Variants in BOP1 observed in about 807,000 individuals in gnomAD.
The protein encoded by BOP1 is BOP1 ribosomal biogenesis factor, also known as ribosome biogenesis protein BOP1.
BOP1 carries 54 observed loss-of-function variants against 82.9 expected under a neutral mutation model. The ratio of observed to expected loss-of-function variants is 0.65; its 90% CI spans 0.52 to 0.82. The LOEUF is 0.82. Among genes scored for constraint, BOP1 ranks in the 40% least tolerant of loss-of-function variants. BOP1 has a pLI of 0.00. For synonymous variants in BOP1, 566 were observed against 451.1 expected, an observed-to-expected ratio of 1.25 and a Z score of -3.23; for missense variants, 1,170 against 1,072.0, an observed-to-expected ratio of 1.09 and a Z score of -1.28.
chr8:144,263,430 A>G, intron 11 of BOP1, 29 bp from the exon 12 acceptor site: 2 of 1,597,800 alleles, frequency 1.3e-6, no homozygotes, highest in African/African-American at 1.3e-5. Context: ...CACGGCCCCT[A>G]AGCACAGTGC....
chr8:144,262,679 C>A lies in BOP1; in HGVS notation c.1895-7G>T, dbSNP rs1345387665. ...CCACAGATGACGTTGTCACCTAGGG[C>A]CAAAGGCTGTGATGCAGGTGTTCCC... On this transcript the variant is annotated splice_polypyrimidine_tract_variant and splice_region_variant and intron_variant, in intron 13 of 15. Coordinates refer to ENST00000569669, the MANE Select transcript of BOP1 (RefSeq NM_015201.5). 3.8e-5 allele frequency: 61 copies of A among 1,613,082 alleles called. No homozygotes were observed. Among genetic ancestry groups the A allele is most frequent in the Non-Finnish European group, 4.9e-5 (58 of 1,179,798 alleles).
Position 144,277,889 on chromosome 8 carries a change from G to A in BOP1, c.310-1585C>T, listed in dbSNP as rs1232258316. Among the ~76,000 whole-genome samples, 12 of 88,626 alleles carry A rather than the reference G, an allele frequency of 1.4e-4. No individual in the cohort carries two copies. The South Asian group carries it at 2.6e-3, about 19-fold the overall frequency. The allele number at this position is 88,626 out of a possible 152,430, so 58.1% of individuals were successfully genotyped here. On this transcript the variant is annotated intron_variant, in intron 2 of 15. Transcript: ENST00000569669. ...CCTTCAGATTTTGGAGGCAGATGCT[G>A]TGGGGCATTGAACGTATTTTTTTTA...
At position 144,264,293 on chromosome 8, in the gene BOP1, T is replaced by G. The variant is rs1399586437; in HGVS notation, c.910A>C (p.Lys304Gln). Residue 304 changes from lysine (K) to glutamine (Q), a missense_variant, in exon 7 of 16, where the codon AAG becomes CAG. Coordinates refer to ENST00000569669, the MANE Select transcript of BOP1 (RefSeq NM_015201.5). ...TCGGCGTGGCCTGGCAGGGCCAGCT[T>G]GGGAGCAGGTACGTGCATCTTGTGG... is the stretch of plus-strand genomic sequence containing the variant. Reference protein sequence around the residue: ...GRHKMHVPAPKLALPGHAESY... With the variant: ...GRHKMHVPAPQLALPGHAESY... 1.9e-6 allele frequency: 3 copies of G among 1,610,882 alleles called. No homozygotes were observed. The highest frequency in any genetic ancestry group is 2.7e-5 in the African/African-American group (2 of 74,808).
rs1845315837 is a variant in BOP1, at chr8:144,264,678, A to AC, written c.663+35dup. 3.5e-5 allele frequency: 55 copies of AC among 1,562,344 alleles called. 2 individuals are homozygous for AC. The South Asian group carries it at 5.8e-4, about 16-fold the overall frequency. On this transcript the variant is annotated intron_variant, in intron 5 of 15. Coordinates refer to ENST00000569669, the MANE Select transcript of BOP1 (RefSeq NM_015201.5). ...CTGAGGCCCTGCTGGTGCCTCCAGG[A>AC]CCCCCGCCGCCCAGGGGCCAGCCCC...
intron 3 of BOP1, among the ~76,000 whole-genome samples, chr8:144,273,948 G>C (rs949052119): frequency 6.6e-5 from 10 of 152,232 alleles, no homozygotes; most frequent in Non-Finnish European, 1.3e-4. Context: ...GTGAGGGGCT[G>C]CTCAGGTCTT....
At chr8:144,285,539 G>A (rs1452223314) in intron 2 of BOP1, among the ~76,000 whole-genome samples, 2 of 152,214 alleles carry the variant, frequency 1.3e-5, no homozygotes, top group Non-Finnish European at 2.9e-5. Context: ...GTAACCCACC[G>A]AGGCCCATGA....
chr8:144,291,216 C>A lies in BOP1; in HGVS notation c.99+56G>T. 1 of 1,349,384 alleles carries A rather than the reference C, an allele frequency of 7.4e-7. No homozygotes were observed. The highest frequency in any genetic ancestry group is 1.6e-5 in the South Asian group (1 of 62,106). 83.6% of individuals were successfully genotyped at this position (1,349,384 alleles called of 1,614,324 possible). A position where few individuals can be genotyped will look rare whatever the true frequency, so the allele number is the denominator to read the frequency against. ...GGGCCCACCCGCCCCAGCGCGGCCA[C>A]GTGCCCGCCGGGCCCTCTAGGGACG... On this transcript the variant is annotated intron_variant, in intron 1 of 15. Coordinates refer to ENST00000569669, the MANE Select transcript of BOP1 (RefSeq NM_015201.5). This position sits in a 1 kb window ranked among gnomAD's most constrained non-coding sequence, Gnocchi z 4.1.
At chr8:144,267,056 CCTT>C in intron 3 of BOP1, 4 of 1,481,876 alleles carry the variant, frequency 2.7e-6, no homozygotes, top group Non-Finnish European at 2.7e-6. Flanking sequence ...TCCGGGCCCG[CCTT>C]CTTCCACGCG....
At chr8:144,286,051 A>G (rs1230904607) in intron 2 of BOP1, among the ~76,000 whole-genome samples, 8 of 152,224 alleles carry the variant, frequency 5.3e-5, no homozygotes, top group Admixed American at 3.3e-4. Context: ...AGGGCTGCAC[A>G]ATGGGAAAGG....
intron 2 of BOP1, among the ~76,000 whole-genome samples, chr8:144,284,788 G>C (rs1278274587): frequency 6.6e-6 from 1 of 152,216 alleles, no homozygotes; most frequent in Non-Finnish European, 1.5e-5. Flanking sequence ...CCTTAGAAAG[G>C]AGGCAGGGTC....
At position 144,263,223 on chromosome 8, in the gene BOP1, TC is replaced by T; in HGVS notation, c.1602del (p.Lys535SerfsTer3). On this transcript the variant is annotated frameshift_variant, in exon 12 of 16. Transcript: ENST00000569669. LOFTEE classifies it high-confidence loss of function. ...QVGLRLRICH[G>X]KPVTQVTWHG... is the part of the protein sequence containing the mutation. Reference sequence around the variant, plus strand: ...CACCCCCAAGGCGCCCCACGTACCTTCCCGTGGCAGATGCGCAGCCGCAGGC... The same window carrying T: ...CACCCCCAAGGCGCCCCACGTACCTTCCGTGGCAGATGCGCAGCCGCAGGC... 6.3e-7 allele frequency: 1 copy of T among 1,594,680 alleles called. No homozygotes were observed. Among genetic ancestry groups the T allele is most frequent in the Non-Finnish European group, 8.5e-7 (1 of 1,179,120 alleles).
intron 2 of BOP1, among the ~76,000 whole-genome samples, chr8:144,276,992 C>T (rs940276635): frequency 1.1e-4 from 16 of 152,334 alleles, no homozygotes; most frequent in Admixed American, 6.5e-5. Flanking sequence ...AATTCACATC[C>T]CAACCTGGAA....
chr8:144,274,227 G>A (rs1235051066), intron 3 of BOP1, among the ~76,000 whole-genome samples: 3 of 152,152 alleles, frequency 2.0e-5, no homozygotes, highest in East Asian at 1.9e-4. Flanking sequence ...GCTACCAGGG[G>A]CCCTCTCCAC....
chr8:144,279,340 G>A (rs886511288), intron 2 of BOP1, among the ~76,000 whole-genome samples: 1 of 147,340 alleles, frequency 6.8e-6, no homozygotes, highest in Non-Finnish European at 1.5e-5. Flanking sequence ...CAACCACCAT[G>A]GGCCACGACC....
chr8:144,263,161 G>C lies in BOP1; in HGVS notation c.1606-20C>G, dbSNP rs1176310140. 7 of 1,592,472 alleles carry C rather than the reference G, an allele frequency of 4.4e-6. No homozygotes were observed. Among genetic ancestry groups the C allele is most frequent in the Non-Finnish European group, 5.9e-6 (7 of 1,178,440 alleles). The stretch of plus-strand genomic sequence containing the variant: ...CACTGGCTGCAGGAGAGCAAGGCTG[G>C]CTGAGTGGCTGAGCCGGGCCCCTCC... On this transcript the variant is annotated intron_variant, in intron 12 of 15. Transcript: ENST00000569669.
intron 2 of BOP1, among the ~76,000 whole-genome samples, chr8:144,285,655 T>C (rs1179786530): frequency 6.6e-6 from 1 of 152,194 alleles, no homozygotes; most frequent in East Asian, 1.9e-4. Context: ...GCTGTGTCAC[T>C]GTGGTGTGAA....
chr8:144,265,755 C>T (rs1276326467), intron 3 of BOP1: 15 of 154,614 alleles, frequency 9.7e-5, no homozygotes, highest in Admixed American at 8.9e-4. Context: ...TGGGCCCTGC[C>T]CCCTGCTGAG....
At chr8:144,266,957 A>T in intron 3 of BOP1, 1 of 1,559,152 alleles carries the variant, frequency 6.4e-7, no homozygotes, top group Non-Finnish European at 8.6e-7. Flanking sequence ...TCCAAGATTG[A>T]GACGCTGCGC....
intron 3 of BOP1, among the ~76,000 whole-genome samples, chr8:144,273,196 G>A (rs1024368451): frequency 1.8e-4 from 27 of 152,308 alleles, no homozygotes; most frequent in African/African-American, 4.6e-4. Flanking sequence ...AGCGGAGGCC[G>A]CCAGCACTGG....
Sources: gnomAD v4.1 joint callset for allele counts (sites outside exome capture counted in the v4.1 genomes callset) on GRCh38, gnomAD v4.1.1 for gene constraint, Gnocchi (gnomAD v3.1) non-coding constraint, MANE v1.5 for transcripts, NCBI Gene and HGNC (gene_info 2026-07-23, HGNC 2026-07-21) for gene names.